Variants in FUT8 observed in about 807,000 individuals in gnomAD.
FUT8 encodes the protein alpha-(1,6)-fucosyltransferase.
FUT8 carries 29 observed loss-of-function variants against 71.3 expected under a neutral mutation model. The ratio of observed to expected loss-of-function variants is 0.41; its 90% CI spans 0.30 to 0.55. The LOEUF (loss-of-function observed/expected upper bound fraction) is 0.55, where lower values mean the gene tolerates loss of function less well. FUT8 is among the 20% of genes least tolerant of loss of function. FUT8 has a pLI of 0.34. For synonymous variants in FUT8, 254 were observed against 239.3 expected (o/e 1.06, Z -0.57); for missense variants, 544 against 702.1 (o/e 0.77, Z 2.55).
upstream of FUT8, chr14:65,412,519 T>G: frequency 2.8e-6 from 1 of 357,864 alleles, no homozygotes. Context: ...GGAGCCGGCG[T>G]GCGCAGCCGC....
intron 7 of FUT8, among the ~76,000 whole-genome samples, chr14:65,700,502 T>G (rs963106971): frequency 2.1e-4 from 31 of 144,358 alleles, no homozygotes; most frequent in Admixed American, 2.0e-3. Flanking sequence ...ACCATTCTCC[T>G]GCCTCAGCCT....
intron 2 of FUT8, among the ~76,000 whole-genome samples, chr14:65,461,896 TG>T: frequency 6.6e-6 from 1 of 152,152 alleles, no homozygotes; most frequent in Admixed American, 6.5e-5. Flanking sequence ...AACAGGAACT[TG>T]GGAGGAGGGG....
intron 2 of FUT8, among the ~76,000 whole-genome samples, chr14:65,555,165 A>G (rs973815107): frequency 6.6e-6 from 1 of 152,232 alleles, no homozygotes; most frequent in Admixed American, 6.5e-5. Context: ...GACAGTGACT[A>G]TATATGCCTC....
chr14:65,401,753 T>C, the FUT8 span, among the ~76,000 whole-genome samples: 4 of 151,736 alleles, frequency 2.6e-5, no homozygotes, highest in African/African-American at 9.7e-5. Context: ...CAAAAAAATT[T>C]GTGGTGGTGT....
intron 3 of FUT8, among the ~76,000 whole-genome samples, chr14:65,586,626 A>C (rs1223690390): frequency 1.3e-5 from 2 of 152,242 alleles, no homozygotes; most frequent in Admixed American, 1.3e-4. Context: ...TGTTAATAAC[A>C]TCTAAAATTT....
chr14:65,548,858 T>C (rs1479455729), intron 2 of FUT8, among the ~76,000 whole-genome samples: 1 of 152,050 alleles, frequency 6.6e-6, no homozygotes. Flanking sequence ...TCAGAATATA[T>C]AAAGAACTCA....
In FUT8 at chr14:65,639,110, T is replaced by C. The variant is rs908751023; in HGVS notation, c.597+9504T>C. ...ACCTTTTCCAAGATAAAAAAAAAAA[T>C]GAACAACTTGACTAAGGACAGAACA... On this transcript the variant is annotated intron_variant, in intron 6 of 10. Coordinates refer to ENST00000673929, the MANE Select transcript of FUT8 (RefSeq NM_001371533.1). Among the ~76,000 whole-genome samples the C allele has an allele frequency of 4.0e-5, 6 of 150,578 alleles. No individual in the cohort carries two copies. The East Asian group carries it at 9.8e-4, about 24-fold the overall frequency.
chr14:65,456,680 C>T (rs954644798), intron 2 of FUT8, among the ~76,000 whole-genome samples: 2 of 151,934 alleles, frequency 1.3e-5, no homozygotes, highest in Admixed American at 6.6e-5. Context: ...CAAGACCATC[C>T]TGGCCAACAT....
chr14:65,604,333 G>C (rs1227055044), intron 3 of FUT8, among the ~76,000 whole-genome samples: 1 of 151,710 alleles, frequency 6.6e-6, no homozygotes, highest in Non-Finnish European at 1.5e-5. Flanking sequence ...CTTTCTCCAA[G>C]GTAGACCATT....
chr14:65,359,912 G>T, the FUT8 span, among the ~76,000 whole-genome samples: 4,265 of 151,944 alleles, frequency 0.028, 200 homozygotes, highest in African/African-American at 0.098. Context: ...CGCAATCTCC[G>T]CCTCCCGCCT....
Position 65,694,037 on chromosome 14 carries a change from C to A in FUT8, c.835+24557C>A, listed in dbSNP as rs540017816. Among the ~76,000 whole-genome samples the A allele has an allele frequency of 1.6e-3, 111 of 68,398 alleles. 1 individual carries two copies. The highest frequency in any genetic ancestry group is 4.6e-3 in the Non-Finnish European group (81 of 17,726). The allele number at this position is 68,398 out of a possible 152,430, so 44.9% of individuals were successfully genotyped here. A position where few individuals can be genotyped will look rare whatever the true frequency, so the allele number is the denominator to read the frequency against. ...CGTCCACGTGATTAGTTGTTGTGGCCTGTCTTTTATTTCTAATATTAGTAA... is the reference window on the plus strand; with the variant it reads ...CGTCCACGTGATTAGTTGTTGTGGCATGTCTTTTATTTCTAATATTAGTAA... On this transcript the variant is annotated intron_variant, in intron 7 of 10. Coordinates refer to ENST00000673929, the MANE Select transcript of FUT8 (RefSeq NM_001371533.1).
At chr14:65,722,799 C>T (rs759428090) in intron 8 of FUT8, among the ~76,000 whole-genome samples, 13 of 152,062 alleles carry the variant, frequency 8.5e-5, no homozygotes, top group African/African-American at 2.7e-4. Context: ...AAAGAATAGC[C>T]GTGAAGATGG....
At chr14:65,651,052 G>C (rs1310488986) in intron 6 of FUT8, among the ~76,000 whole-genome samples, 1 of 152,184 alleles carries the variant, frequency 6.6e-6, no homozygotes, top group Non-Finnish European at 1.5e-5. Flanking sequence ...GGATGGAGCT[G>C]CAATAACAAG....
chr14:65,597,712 A>ATT (rs3837619), intron 3 of FUT8, among the ~76,000 whole-genome samples: 4 of 151,254 alleles, frequency 2.6e-5, no homozygotes, highest in African/African-American at 2.4e-5. Flanking sequence ...GTGTAACAGA[A>ATT]TTTTTTTTTG....
intron 7 of FUT8, among the ~76,000 whole-genome samples, chr14:65,678,757 A>G (rs1892888202): frequency 6.6e-6 from 1 of 152,176 alleles, no homozygotes; most frequent in African/African-American, 2.4e-5. Context: ...TTTTCATTTA[A>G]AAGTCTTTTT....
intron 2 of FUT8, among the ~76,000 whole-genome samples, chr14:65,522,343 C>A (rs1173752317): frequency 6.6e-6 from 1 of 152,076 alleles, no homozygotes; most frequent in Non-Finnish European, 1.5e-5. Flanking sequence ...TTTACCAACT[C>A]AGAGTGTTAT....
chr14:65,654,437 A>T (rs1254031030), intron 6 of FUT8, among the ~76,000 whole-genome samples: 3 of 151,976 alleles, frequency 2.0e-5, no homozygotes, highest in Non-Finnish European at 4.4e-5. Context: ...AAAATACAAA[A>T]ATTAGCCGGG....
intron 2 of FUT8, among the ~76,000 whole-genome samples, chr14:65,456,221 G>A (rs560944912): frequency 2.6e-5 from 4 of 152,144 alleles, no homozygotes; most frequent in South Asian, 4.1e-4. Context: ...AAATTTGCTC[G>A]TGTTGCCTAT....
chr14:65,473,386 C>T (rs915387020), intron 2 of FUT8, among the ~76,000 whole-genome samples: 11 of 152,178 alleles, frequency 7.2e-5, no homozygotes, highest in Non-Finnish European at 1.5e-4. Flanking sequence ...ATTTTGTGTT[C>T]TCTTTCACAG....
Sources: allele counts gnomAD v4.1 joint callset (sites outside exome capture counted in the v4.1 genomes callset), GRCh38; gene constraint gnomAD v4.1.1; transcripts MANE v1.5; gene names NCBI Gene and HGNC (gene_info 2026-07-23, HGNC 2026-07-21).